AKAP8L: variants seen among roughly 807,000 people sequenced by gnomAD.
The protein encoded by AKAP8L is A-kinase anchor protein 8-like.
A neutral mutation model predicts 77.5 loss-of-function variants in AKAP8L; 34 were observed. That is an observed-to-expected ratio of 0.44 (90% CI 0.33 to 0.58). AKAP8L has a LOEUF of 0.58. Ranked by LOEUF, AKAP8L falls within the 20% of genes least tolerant of loss-of-function variation. The probability of loss-of-function intolerance (pLI) is 0.02; values close to 1 mark genes in which losing one functional copy is unlikely to be tolerated. For synonymous variants in AKAP8L, 342 were observed against 340.7 expected, an observed-to-expected ratio of 1.00 and a Z score of -0.04; for missense variants, 806 against 887.6, an observed-to-expected ratio of 0.91 and a Z score of 1.17.
At chr19:15,386,752 G>A (rs896810332) in intron 12 of AKAP8L, among the ~76,000 whole-genome samples, 2 of 152,196 alleles carry the variant, frequency 1.3e-5, no homozygotes, top group Admixed American at 1.3e-4. Flanking sequence ...TCTACTTCCC[G>A]GGTTCAAACA....
chr19:15,393,887 G>C (rs1331644358), intron 12 of AKAP8L, among the ~76,000 whole-genome samples: 1 of 130,786 alleles, frequency 7.6e-6, no homozygotes, highest in East Asian at 2.3e-4. Context: ...TGGGCAAGAA[G>C]AGCGAATCTC....
intron 12 of AKAP8L, among the ~76,000 whole-genome samples, chr19:15,389,942 G>A (rs564697360): frequency 1.7e-3 from 259 of 151,892 alleles, no homozygotes; most frequent in Middle Eastern, 3.4e-3. Context: ...ACTTCTCAGC[G>A]GGGCACGGTG....
rs1264889373 is a variant in AKAP8L at position 15,418,959 on chromosome 19, T to G, written c.-36A>C. ...AACACAACATCCGACGACGCCGGCT[T>G]CTGCTGCTCTGAACATCCGACGCTG... On this transcript the variant is annotated 5_prime_UTR_variant, in exon 1 of 14. Transcript: ENST00000397410. 3.1e-6 allele frequency: 5 copies of G among 1,604,022 alleles called. No individual in the cohort carries two copies. The highest frequency in any genetic ancestry group is 4.2e-6 in the Non-Finnish European group (5 of 1,179,436).
chr19:15,408,402 A>G (rs1158814896), intron 2 of AKAP8L, among the ~76,000 whole-genome samples: 1 of 151,996 alleles, frequency 6.6e-6, no homozygotes, highest in East Asian at 1.9e-4. Flanking sequence ...GTCTCTACTA[A>G]TAATACAAAA....
chr19:15,380,967 G>T (rs1967400348), intron 12 of AKAP8L: 1 of 232,552 alleles, frequency 4.3e-6, no homozygotes, highest in African/African-American at 2.2e-5. Context: ...TGCCAACTAG[G>T]CTAATAGGCA....
chr19:15,415,825 G>A (rs1343317400), intron 1 of AKAP8L, among the ~76,000 whole-genome samples: 2 of 151,692 alleles, frequency 1.3e-5, no homozygotes, highest in African/African-American at 4.8e-5. Flanking sequence ...GGCGGAGCTT[G>A]CAGTGGGCCG....
At chr19:15,393,571 G>A (rs4809188) in intron 12 of AKAP8L, among the ~76,000 whole-genome samples, 120,619 of 152,124 alleles carry the variant, frequency 0.79, 48,061 homozygotes, top group East Asian at 0.99. Context: ...TCAGGGCTAC[G>A]CAAATCAAAA....
In AKAP8L at chr19:15,411,108, C is replaced by G. The variant is rs578239319; in HGVS notation, c.14-514G>C. 1.7e-4 allele frequency among the ~76,000 whole-genome samples: 26 copies of G among 152,280 alleles called. No individual in the cohort carries two copies. The East Asian group carries it at 5.0e-3, about 29-fold the overall frequency. On this transcript the variant is annotated intron_variant, in intron 1 of 13. Transcript: ENST00000397410. The stretch of plus-strand genomic sequence containing the variant: ...GGATTACAGGTGTGAGCCACAGAGC[C>G]TGGCCCCAAATAAAAATTTTTAAAC...
In AKAP8L at chr19:15,384,978, C is replaced by A. The variant is rs1430341858; in HGVS notation, c.1537-4366G>T. Among the ~76,000 whole-genome samples the A allele has an allele frequency of 5.4e-5, 8 of 147,670 alleles. No individual in the cohort carries two copies. The East Asian group carries it at 9.8e-4, about 18-fold the overall frequency. On this transcript the variant is annotated intron_variant, in intron 12 of 13. Transcript: ENST00000397410. Reference sequence around the variant, plus strand: ...CTCCGCCTCCCAGGTTCATGCCATTCTCTTTTTTTTTTTTTTTGAGACGGA... The same window carrying A: ...CTCCGCCTCCCAGGTTCATGCCATTATCTTTTTTTTTTTTTTTGAGACGGA...
At position 15,405,443 on chromosome 19, in the gene AKAP8L, T is replaced by C. The variant is rs113928569; in HGVS notation, c.89-1401A>G. ...AGCTACTCAGGAGGCTGAGGCACAG[T>C]TGCTTGAACCCAGGCGGCAGAGTTT... On this transcript the variant is annotated intron_variant, in intron 2 of 13. Coordinates refer to ENST00000397410, the MANE Select transcript of AKAP8L (RefSeq NM_014371.4). 6.9e-3 allele frequency among the ~76,000 whole-genome samples: 1,042 copies of C among 151,010 alleles called. 17 individuals carry two copies. The highest frequency in any genetic ancestry group is 0.024 in the African/African-American group (992 of 41,108).
In AKAP8L at chr19:15,418,954, C is replaced by T. The variant is rs375377676; in HGVS notation, c.-31G>A. The T allele has an allele frequency of 1.4e-5, 22 of 1,604,170 alleles. No individual in the cohort carries two copies. The African/African-American group carries it at 2.9e-4, about 21-fold the overall frequency. ...CGGGCAACACAACATCCGACGACGCCGGCTTCTGCTGCTCTGAACATCCGA... is the reference window on the plus strand; with the variant it reads ...CGGGCAACACAACATCCGACGACGCTGGCTTCTGCTGCTCTGAACATCCGA... On this transcript the variant is annotated 5_prime_UTR_variant, in exon 1 of 14. Coordinates refer to ENST00000397410, the MANE Select transcript of AKAP8L (RefSeq NM_014371.4).
In AKAP8L at chr19:15,418,884, A is replaced by C. The variant is rs1285116315; in HGVS notation, c.13+27T>G. On this transcript the variant is annotated intron_variant, in intron 1 of 13. Coordinates refer to ENST00000397410, the MANE Select transcript of AKAP8L (RefSeq NM_014371.4). ...CGTCCCTGTCCCATCCCCCACGCAG[A>C]GCCCGACCCCACCCTGCCAGGCCCA... is the stretch of plus-strand genomic sequence containing the variant. The C allele has an allele frequency of 3.1e-6, 5 of 1,596,764 alleles. No individual in the cohort carries two copies. The East Asian group carries it at 1.1e-4, about 36-fold the overall frequency.
At chr19:15,406,654 A>C (rs968711634) in intron 2 of AKAP8L, among the ~76,000 whole-genome samples, 4 of 151,750 alleles carry the variant, frequency 2.6e-5, no homozygotes, top group Non-Finnish European at 5.9e-5. Flanking sequence ...TTTTGTAGAG[A>C]TAGGGTTTTA....
At chr19:15,402,539 C>T (rs1355495354) in intron 4 of AKAP8L, among the ~76,000 whole-genome samples, 1 of 152,244 alleles carries the variant, frequency 6.6e-6, no homozygotes, top group Non-Finnish European at 1.5e-5. Context: ...CCTCACATGC[C>T]AAGCCCTCAG....
rs572852247 is a variant in AKAP8L, at chr19:15,403,592, G to A, written c.245C>T (p.Ala82Val). 65 of 1,613,968 alleles carry A rather than the reference G, an allele frequency of 4.0e-5. No homozygotes were observed. In the South Asian group the frequency reaches 7.0e-4, roughly 17 times the overall value. ...PSSDTNANTS[A>V]SGSASADSVL... ...GGAATCGGCACTGGCGCTACCCGAG[G>A]CACTAGTGTTTGCATTTGTGTCAGA... Residue 82 changes from alanine to valine, a missense_variant, in exon 4 of 14, where the codon GCC becomes GTC. By Grantham distance (64) the Ala-to-Val change is moderately conservative. Coordinates refer to ENST00000397410, the MANE Select transcript of AKAP8L (RefSeq NM_014371.4). The surrounding 1 kb of genome is among the most constrained non-coding windows in gnomAD (Gnocchi z 4.3).
At chr19:15,392,432 G>A (rs1967682188) in intron 12 of AKAP8L, among the ~76,000 whole-genome samples, 1 of 151,616 alleles carries the variant, frequency 6.6e-6, no homozygotes, top group South Asian at 2.1e-4. Flanking sequence ...GGAGGTTGGA[G>A]GCTGTAGTGA....
intron 12 of AKAP8L, among the ~76,000 whole-genome samples, chr19:15,387,867 GA>G (rs1967572962): frequency 6.6e-6 from 1 of 152,066 alleles, no homozygotes; most frequent in African/African-American, 2.4e-5. Context: ...GCTGAGGCAG[GA>G]GAATTGCTTG....
At position 15,397,745 on chromosome 19, in the gene AKAP8L, T is replaced by G. The variant is rs1264661737; in HGVS notation, c.1268A>C (p.Lys423Thr). ...AAAGTCAGCCGTCTGCTTAGGGAGC[T>G]TGGTGCCTACGTACTTAAAGTGTTC... ...HKEHFKYVGTKLPKQTADFLQ... is the reference protein window; with the variant it reads ...HKEHFKYVGTTLPKQTADFLQ... The change falls in exon 10 of 14, where the codon AAG becomes ACG. Residue 423 changes from lysine (K) to threonine (T), a missense_variant. Lys to Thr is a moderately conservative substitution (Grantham distance 78). Coordinates refer to ENST00000397410, the MANE Select transcript of AKAP8L (RefSeq NM_014371.4). The surrounding 1 kb of genome is among the most constrained non-coding windows in gnomAD (Gnocchi z 4.7). 6.2e-7 allele frequency: 1 copy of G among 1,613,900 alleles called. No homozygotes were observed. The highest frequency in any genetic ancestry group is 8.5e-7 in the Non-Finnish European group (1 of 1,179,900).
intron 12 of AKAP8L, among the ~76,000 whole-genome samples, chr19:15,392,020 G>A (rs546471639): frequency 1.3e-5 from 2 of 152,304 alleles, no homozygotes; most frequent in African/African-American, 4.8e-5. Context: ...CTTTTATACA[G>A]ACAGGGTCTC....
Sources: allele counts gnomAD v4.1 joint callset (sites outside exome capture counted in the v4.1 genomes callset), GRCh38; gene constraint gnomAD v4.1.1; non-coding constraint Gnocchi (gnomAD v3.1); transcripts MANE v1.5; gene names NCBI Gene and HGNC (gene_info 2026-07-23, HGNC 2026-07-21).